The following ORC2 variants were observed in gnomAD, a reference collection of about 807,000 sequenced individuals.
ORC2 encodes the protein origin recognition complex protein 2 homolog.
In ORC2, 37 loss-of-function variants were observed where a neutral mutation model predicts 77.7. The ratio of observed to expected loss-of-function variants is 0.48; its 90% CI spans 0.37 to 0.63. The LOEUF (loss-of-function observed/expected upper bound fraction) is 0.63. Among genes scored for constraint, ORC2 ranks in the 20% least tolerant of loss-of-function variants. ORC2 has a pLI of 0.00. For synonymous variants in ORC2, 201 were observed against 229.5 expected (o/e 0.88, Z 1.12); for missense variants, 557 against 661.9 (o/e 0.84, Z 1.74).
intron 5 of ORC2, among the ~76,000 whole-genome samples, chr2:200,947,055 AC>A (rs756336445): frequency 2.0e-5 from 3 of 152,086 alleles, no homozygotes; most frequent in Non-Finnish European, 2.9e-5. Flanking sequence ...GGTGTGTGCC[AC>A]CACACCCAGC....
chr2:200,933,648 A>C (rs2040982219), intron 10 of ORC2, among the ~76,000 whole-genome samples: 2 of 152,262 alleles, frequency 1.3e-5, no homozygotes, highest in African/African-American at 4.8e-5. Context: ...TGTTCACATA[A>C]TCCTCCTCCC....
At chr2:200,923,264 T>C (rs971549325) in intron 13 of ORC2, among the ~76,000 whole-genome samples, 12 of 152,224 alleles carry the variant, frequency 7.9e-5, no homozygotes, top group African/African-American at 2.9e-4. Flanking sequence ...TTTACTCTTT[T>C]TGGAGACGGA....
At chr2:200,917,900 G>T (rs1238610505) in intron 15 of ORC2, among the ~76,000 whole-genome samples, 2 of 149,960 alleles carry the variant, frequency 1.3e-5, no homozygotes, top group Non-Finnish European at 3.0e-5. Context: ...GCTAGGGGGG[G>T]TTAAAAAAAA....
intron 4 of ORC2, among the ~76,000 whole-genome samples, chr2:200,950,968 T>C (rs2041343967): frequency 6.6e-6 from 1 of 152,194 alleles, no homozygotes; most frequent in African/African-American, 2.4e-5. Flanking sequence ...AGAAAAAATA[T>C]CTTCTTTACG....
chr2:200,922,375 TAA>T (rs777219779), intron 13 of ORC2, among the ~76,000 whole-genome samples: 23 of 68,400 alleles, frequency 3.4e-4, no homozygotes, highest in Non-Finnish European at 4.5e-4. Flanking sequence ...ATGAAATAGG[TAA>T]AAAAAAAAAA....
intron 17 of ORC2, among the ~76,000 whole-genome samples, chr2:200,912,885 A>G (rs2040575569): frequency 6.6e-6 from 1 of 152,122 alleles, no homozygotes; most frequent in East Asian, 1.9e-4. Context: ...ACTAATGTCC[A>G]TCTCCCCCAT....
At chr2:200,955,831 T>C (rs2041455825) in intron 4 of ORC2, among the ~76,000 whole-genome samples, 1 of 152,214 alleles carries the variant, frequency 6.6e-6, no homozygotes, top group Non-Finnish European at 1.5e-5. Context: ...GTGTTCCTTG[T>C]ACCCAGGAAA....
intron 7 of ORC2, 69 bp from the exon 8 acceptor site, chr2:200,938,035 T>A: frequency 8.9e-7 from 1 of 1,125,034 alleles, no homozygotes; most frequent in Non-Finnish European, 1.3e-6. Flanking sequence ...TGAAAGAGGC[T>A]AGAAAAAAAG....
rs1483968484 is a variant in ORC2 at position 200,935,814 on chromosome 2, T to A, written c.593A>T (p.His198Leu). 1 of 1,614,140 alleles carries A rather than the reference T, an allele frequency of 6.2e-7. No individual in the cohort carries two copies. Among genetic ancestry groups the A allele is most frequent in the Non-Finnish European group, 8.5e-7 (1 of 1,179,980 alleles). Residue 198 changes from histidine to leucine, a missense_variant, in exon 9 of 18, where the codon CAT becomes CTT. Coordinates refer to ENST00000234296, the MANE Select transcript of ORC2 (RefSeq NM_006190.5). ...SEDDEGVAQE[H>L]EEDTNAVIFS... ...TATGACTGCATTAGTGTCCTCTTCA[T>A]GTTCCTGTGCAACCCCTTCATCATC... is the stretch of plus-strand genomic sequence containing the variant.
chr2:200,951,744 GTT>G (rs2041361274), intron 4 of ORC2, among the ~76,000 whole-genome samples: 2 of 152,032 alleles, frequency 1.3e-5, no homozygotes, highest in Admixed American at 6.6e-5. Context: ...TAATTAAATT[GTT>G]TTCTTATTGC....
At chr2:200,957,352 A>G in intron 4 of ORC2, 49 bp downstream of exon 4, 2 of 1,432,672 alleles carry the variant, frequency 1.4e-6, no homozygotes, top group Non-Finnish European at 1.9e-6. Context: ...CCTATAAAGC[A>G]ATTTCTGCTA....
At chr2:200,956,419 G>A (rs527348070) in intron 4 of ORC2, among the ~76,000 whole-genome samples, 4 of 152,162 alleles carry the variant, frequency 2.6e-5, no homozygotes, top group South Asian at 4.2e-4. Flanking sequence ...GGACTCAAGC[G>A]ATCAATCTGC....
At chr2:200,935,003 C>G (rs2041010143) in intron 9 of ORC2, among the ~76,000 whole-genome samples, 1 of 152,206 alleles carries the variant, frequency 6.6e-6, no homozygotes, top group Non-Finnish European at 1.5e-5. Flanking sequence ...AATACATTGA[C>G]AATGGTACAA....
chr2:200,915,336 A>G (rs1039037913), intron 15 of ORC2, among the ~76,000 whole-genome samples: 1 of 152,020 alleles, frequency 6.6e-6, no homozygotes. Context: ...TGCCACATGT[A>G]AGAAGAACTT....
intron 15 of ORC2, among the ~76,000 whole-genome samples, chr2:200,915,057 C>T (rs1354089806): frequency 1.5e-5 from 2 of 136,470 alleles, no homozygotes; most frequent in African/African-American, 5.5e-5. Context: ...CTCTTGTTGC[C>T]CAGGCTGGAG....
At chr2:200,953,473 T>C (rs1385201783) in intron 4 of ORC2, among the ~76,000 whole-genome samples, 1 of 152,010 alleles carries the variant, frequency 6.6e-6, no homozygotes, top group Non-Finnish European at 1.5e-5. Context: ...ATTGGAACCC[T>C]TGTACACTGT....
chr2:200,913,171 G>T, intron 17 of ORC2, 124 bp downstream of exon 17: 3 of 622,654 alleles, frequency 4.8e-6, no homozygotes, highest in Non-Finnish European at 7.8e-6. Context: ...TCCCCTAAAT[G>T]AATCTCTGTG....
chr2:200,957,578 G>A, intron 3 of ORC2, 34 bp from the exon 4 acceptor site: 6 of 1,476,578 alleles, frequency 4.1e-6, no homozygotes, highest in African/African-American at 1.4e-5. Flanking sequence ...GAGCATGACA[G>A]GTATAAATTC....
intron 5 of ORC2, among the ~76,000 whole-genome samples, chr2:200,946,064 C>A (rs2041244302): frequency 6.6e-6 from 1 of 152,092 alleles, no homozygotes; most frequent in Non-Finnish European, 1.5e-5. Context: ...TAGATACATT[C>A]TCTGTATTTT....
Sources: gnomAD v4.1 joint callset for allele counts (sites outside exome capture counted in the v4.1 genomes callset) on GRCh38, gnomAD v4.1.1 for gene constraint, MANE v1.5 for transcripts, NCBI Gene and HGNC (gene_info 2026-07-23, HGNC 2026-07-21) for gene names.